PLEKHG2: variants seen among roughly 807,000 people sequenced by gnomAD.
PLEKHG2 encodes the protein pleckstrin homology domain-containing family G member 2.
PLEKHG2 carries 71 observed loss-of-function variants against 104.4 expected under a neutral mutation model. That is an observed-to-expected ratio of 0.68 (90% confidence interval 0.56 to 0.83). The LOEUF (loss-of-function observed/expected upper bound fraction) is 0.83, where lower values mean the gene tolerates loss of function less well. Ranked by LOEUF, PLEKHG2 falls within the 40% of genes least tolerant of loss-of-function variation. The pLI is 0.00. For missense variants in PLEKHG2, 1,730 were observed against 1,809.4 expected, an observed-to-expected ratio of 0.96 and a Z score of 0.80; for synonymous variants, 728 against 737.0, an observed-to-expected ratio of 0.99 and a Z score of 0.20.
In PLEKHG2 at chr19:39,415,311, G is replaced by A. The variant is rs749397373; in HGVS notation, c.379-28G>A. ...AGTGGGTACCCAGGCCAGCCCCTTGGCCCCCATAACCCCAGTCATCCCAAC... is the reference window on the plus strand; with the variant it reads ...AGTGGGTACCCAGGCCAGCCCCTTGACCCCCATAACCCCAGTCATCCCAAC... On this transcript the variant is annotated intron_variant, in intron 3 of 18. Transcript: ENST00000425673. The surrounding 1 kb of genome is among the most constrained non-coding windows in gnomAD (Gnocchi z 4.6). The A allele has an allele frequency of 6.2e-7, 1 of 1,611,426 alleles. No individual in the cohort carries two copies. Among genetic ancestry groups the A allele is most frequent in the South Asian group, 1.1e-5 (1 of 90,692 alleles).
In PLEKHG2 at chr19:39,423,622, C is replaced by T. The variant is rs1197370607; in HGVS notation, c.2568C>T (p.Ser856=). The T allele has an allele frequency of 1.3e-6, 2 of 1,535,094 alleles. No homozygotes were observed. The highest frequency in any genetic ancestry group is 1.8e-6 in the Non-Finnish European group (2 of 1,142,598). ...RPRVLAQPQP[S]PCLPQEQAEP... ...GGGTTCTGGCCCAACCCCAGCCATCCCCCTGTCTGCCCCAGGAGCAGGCAG... is the reference window on the plus strand; with the variant it reads ...GGGTTCTGGCCCAACCCCAGCCATCTCCCTGTCTGCCCCAGGAGCAGGCAG... Residue 856 remains serine (S), a synonymous_variant, in exon 18 of 19, where the codon TCC becomes TCT. Transcript: ENST00000425673.
Position 39,421,274 on chromosome 19 carries a change from C to T in PLEKHG2, c.1487-9C>T. 3.1e-6 allele frequency: 5 copies of T among 1,613,836 alleles called. No homozygotes were observed. The highest frequency in any genetic ancestry group is 1.1e-5 in the South Asian group (1 of 91,072). ...AATGCTTCTCTCTCTCTCATCTCTC[C>T]ATCCTTAGCTAAGCCTGGATTCAAG... On this transcript the variant is annotated splice_polypyrimidine_tract_variant and intron_variant, in intron 15 of 18. Coordinates refer to ENST00000425673, the MANE Select transcript of PLEKHG2 (RefSeq NM_022835.3).
rs1427271274 is a variant in PLEKHG2 at position 39,426,521 on chromosome 19, C to T, written c.*1227C>T. 2.0e-5 allele frequency: 3 copies of T among 152,262 alleles called. No individual in the cohort carries two copies. The highest frequency in any genetic ancestry group is 7.2e-5 in the African/African-American group (3 of 41,464). The allele number at this position is 152,262 out of a possible 1,614,324, so 9.4% of individuals were successfully genotyped here. ...TTAGCTACTTTCATCAAATACTTAG[C>T]CTCTTGTGCTTTAGCACATTATTTA... On this transcript the variant is annotated 3_prime_UTR_variant, in exon 19 of 19. Transcript: ENST00000425673.
intron 16 of PLEKHG2, 42 bp downstream of exon 16, chr19:39,421,341 TG>T: frequency 6.3e-7 from 1 of 1,597,090 alleles, no homozygotes; most frequent in Non-Finnish European, 8.6e-7. Context: ...CCTTGACTTC[TG>T]GGTCTGATGG....
intron 11 of PLEKHG2, among the ~76,000 whole-genome samples, chr19:39,419,469 C>T (rs535077716): frequency 2.4e-4 from 36 of 152,150 alleles, no homozygotes; most frequent in Non-Finnish European, 4.4e-4. Flanking sequence ...TGGCCAGGCA[C>T]GGTGGCTCAC....
intron 2 of PLEKHG2, among the ~76,000 whole-genome samples, chr19:39,414,404 C>T (rs1329091987): frequency 2.0e-5 from 3 of 152,170 alleles, no homozygotes; most frequent in South Asian, 2.1e-4. Context: ...CCTCTGAGCT[C>T]GGAAGGTCAG....
intron 9 of PLEKHG2, 144 bp from the exon 10 acceptor site, chr19:39,418,590 A>AT: frequency 1.7e-6 from 1 of 602,142 alleles, no homozygotes; most frequent in East Asian, 2.9e-5. Flanking sequence ...AAAAAAAAAA[A>AT]GGGAGAGGAA....
chr19:39,417,797 G>A (rs1466687004), intron 8 of PLEKHG2, 105 bp downstream of exon 8: 14 of 1,506,666 alleles, frequency 9.3e-6, no homozygotes, highest in Middle Eastern at 2.4e-4. Flanking sequence ...TGGAGGGTTG[G>A]CTGGGACAGC....
Position 39,417,891 on chromosome 19 carries a change from C to T in PLEKHG2, c.883-14C>T, listed in dbSNP as rs1273705723. 1.9e-5 allele frequency: 29 copies of T among 1,533,598 alleles called. No homozygotes were observed. The highest frequency in any genetic ancestry group is 9.7e-5 in the South Asian group (8 of 82,772). 95.0% of individuals were successfully genotyped at this position (1,533,598 alleles called of 1,614,324 possible). ...TGTCTCTGCGCCCCGGCGCACCTGG[C>T]GGGGTCCCGGCAGGAAGTGCAGCGG... On this transcript the variant is annotated splice_polypyrimidine_tract_variant and intron_variant, in intron 8 of 18. Transcript: ENST00000425673.
chr19:39,417,818 T>G, intron 8 of PLEKHG2, 87 bp from the exon 9 acceptor site: 1 of 1,497,434 alleles, frequency 6.7e-7, no homozygotes, highest in Non-Finnish European at 8.9e-7. Flanking sequence ...ATGGCCCTGT[T>G]GCTAACCCCC....
rs2078590182 is a variant in PLEKHG2, at chr19:39,415,562, G to A, written c.479+123G>A. On this transcript the variant is annotated intron_variant, in intron 4 of 18. Transcript: ENST00000425673. This position sits in a 1 kb window ranked among gnomAD's most constrained non-coding sequence, Gnocchi z 4.6. ...TACGTGGGGTTGTGACATTGGGCAA[G>A]GATCAGGGATCACGACTGGGAGGGA... 2 of 1,105,056 alleles carry A rather than the reference G, an allele frequency of 1.8e-6. No individual in the cohort carries two copies. The highest frequency in any genetic ancestry group is 2.6e-6 in the Non-Finnish European group (2 of 768,948). The allele number at this position is 1,105,056 out of a possible 1,614,324, so 68.5% of individuals were successfully genotyped here.
In PLEKHG2 at chr19:39,426,345, T is replaced by C. The variant is rs555088136; in HGVS notation, c.*1051T>C. On this transcript the variant is annotated 3_prime_UTR_variant, in exon 19 of 19. Coordinates refer to ENST00000425673, the MANE Select transcript of PLEKHG2 (RefSeq NM_022835.3). Reference sequence around the variant, plus strand: ...TCACTCCTCCCCGCAGTTTGCAGCCTCTACAATTCATCCACATGCTCCCTC... The same window carrying C: ...TCACTCCTCCCCGCAGTTTGCAGCCCCTACAATTCATCCACATGCTCCCTC... The C allele has an allele frequency of 2.0e-5, 3 of 152,348 alleles. No homozygotes were observed. The highest frequency in any genetic ancestry group is 2.0e-4 in the Admixed American group (3 of 15,268). 9.4% of individuals were successfully genotyped at this position (152,348 alleles called of 1,614,324 possible). A position where few individuals can be genotyped will look rare whatever the true frequency, so the allele number is the denominator to read the frequency against.
chr19:39,422,164 T>G lies in PLEKHG2; in HGVS notation c.1553T>G (p.Val518Gly), dbSNP rs1446220814. The G allele has an allele frequency of 6.2e-7, 1 of 1,613,326 alleles. No individual in the cohort carries two copies. The highest frequency in any genetic ancestry group is 2.2e-5 in the East Asian group (1 of 44,772). Reference protein sequence around the residue: ...ELYPPESQPPVSGSAPPEDLE... With the variant: ...ELYPPESQPPGSGSAPPEDLE... ...TACCCTCCAGAATCTCAGCCACCAG[T>G]TTCAGGCTCTGCACCCCCTGAGGAC... The change falls in exon 17 of 19, where the codon GTT becomes GGT. Residue 518 changes from valine to glycine, a missense_variant. Val to Gly is a moderately radical substitution (Grantham distance 109). Coordinates refer to ENST00000425673, the MANE Select transcript of PLEKHG2 (RefSeq NM_022835.3).
chr19:39,425,069 C>T lies in PLEKHG2; in HGVS notation c.3936C>T (p.Pro1312=). ...AASRGSWSSA[P]TSRASSPPPQ... is the part of the protein sequence containing the mutation. ...CCCGGGGCTCCTGGTCCTCTGCTCC[C>T]ACGTCACGGGCATCTTCGCCGCCCC... The change falls in exon 19 of 19, where the codon CCC becomes CCT. Residue 1312 remains proline (P), a synonymous_variant. Coordinates refer to ENST00000425673, the MANE Select transcript of PLEKHG2 (RefSeq NM_022835.3). 2 of 1,596,296 alleles carry T rather than the reference C, an allele frequency of 1.3e-6. No homozygotes were observed. Among genetic ancestry groups the T allele is most frequent in the East Asian group, 2.2e-5 (1 of 44,656 alleles).
chr19:39,420,597 A>G, intron 11 of PLEKHG2, 29 bp from the exon 12 acceptor site: 1 of 1,613,932 alleles, frequency 6.2e-7, no homozygotes, highest in Non-Finnish European at 8.5e-7. Flanking sequence ...AGATCGACCC[A>G]CCTCAGCCCT....
In PLEKHG2 at chr19:39,413,394, G is replaced by C. The variant is rs2145972805; in HGVS notation, c.-41G>C. 6.6e-6 allele frequency: 1 copy of C among 152,364 alleles called. No individual in the cohort carries two copies. The highest frequency in any genetic ancestry group is 1.9e-4 in the East Asian group (1 of 5,174). 9.4% of individuals were successfully genotyped at this position (152,364 alleles called of 1,614,324 possible). A position where few individuals can be genotyped will look rare whatever the true frequency, so the allele number is the denominator to read the frequency against. On this transcript the variant is annotated 5_prime_UTR_variant, in exon 1 of 19. Transcript: ENST00000425673. This position sits in a 1 kb window ranked among gnomAD's most constrained non-coding sequence, Gnocchi z 4.5. ...AGGAGCCGGGCTGCCTCGAGCCGGG[G>C]CTGGAGGCTCCCCGGGAGGTGAGGG...
At chr19:39,419,257 T>C (rs1193931596) in intron 11 of PLEKHG2, among the ~76,000 whole-genome samples, 2 of 152,278 alleles carry the variant, frequency 1.3e-5, no homozygotes, top group Admixed American at 1.3e-4. Context: ...CCTAGGGTTG[T>C]GGTGATGAGT....
chr19:39,415,611 TA>T lies in PLEKHG2; in HGVS notation c.479+173del, dbSNP rs2078591249. On this transcript the variant is annotated intron_variant, in intron 4 of 18. Coordinates refer to ENST00000425673, the MANE Select transcript of PLEKHG2 (RefSeq NM_022835.3). This position sits in a 1 kb window ranked among gnomAD's most constrained non-coding sequence, Gnocchi z 4.6. Reference sequence around the variant, plus strand: ...GAGGACCCCGAGTGAGGGAGGGGCATAGGGGATGGGAGGACCCCGAGTGAGG... The same window carrying T: ...GAGGACCCCGAGTGAGGGAGGGGCATGGGGATGGGAGGACCCCGAGTGAGG... 8.5e-6 allele frequency among the ~76,000 whole-genome samples: 1 copy of T among 117,494 alleles called. No homozygotes were observed. Among genetic ancestry groups the T allele is most frequent in the African/African-American group, 3.4e-5 (1 of 29,334 alleles). 77.1% of individuals were successfully genotyped at this position (117,494 alleles called of 152,430 possible).
Position 39,427,368 on chromosome 19 carries a change from C to T in PLEKHG2, c.*2074C>T, listed in dbSNP as rs2146031942. On this transcript the variant is annotated 3_prime_UTR_variant, in exon 19 of 19. Coordinates refer to ENST00000425673, the MANE Select transcript of PLEKHG2 (RefSeq NM_022835.3). ...TTTTTTTTTTAGACGGAGTTTCGCT[C>T]TTGTTGCCCAGGCTGGAGTTCAATA... 1 of 142,428 alleles carries T rather than the reference C, an allele frequency of 7.0e-6. No homozygotes were observed. Among genetic ancestry groups the T allele is most frequent in the Non-Finnish European group, 1.5e-5 (1 of 66,066 alleles). 8.8% of individuals were successfully genotyped at this position (142,428 alleles called of 1,614,324 possible).
Sources: allele counts gnomAD v4.1 joint callset (sites outside exome capture counted in the v4.1 genomes callset), GRCh38; gene constraint gnomAD v4.1.1; non-coding constraint Gnocchi (gnomAD v3.1); transcripts MANE v1.5; gene names NCBI Gene and HGNC (gene_info 2026-07-23, HGNC 2026-07-21).